Variants in OTUD7B observed in about 807,000 individuals in gnomAD.
OTUD7B encodes the protein OTU deubiquitinase 7B.
A neutral mutation model predicts 82.2 loss-of-function variants in OTUD7B; 34 were observed. That is an observed-to-expected ratio of 0.41 (90% CI 0.31 to 0.55). OTUD7B has a LOEUF of 0.55. Ranked by LOEUF, OTUD7B falls within the 20% of genes least tolerant of loss-of-function variation. The pLI is 0.20. For missense variants in OTUD7B, 944 were observed against 1,062.1 expected (o/e 0.89, Z 1.55); for synonymous variants, 398 against 402.7 (o/e 0.99, Z 0.14).
intron 1 of OTUD7B, among the ~76,000 whole-genome samples, chr1:150,003,445 C>A (rs782358419): frequency 1.3e-5 from 2 of 152,110 alleles, no homozygotes; most frequent in African/African-American, 4.8e-5. Context: ...TAGAGTATAT[C>A]CTTAATTCAT....
chr1:150,013,375 G>A (rs998303559), upstream of OTUD7B, among the ~76,000 whole-genome samples: 5 of 152,168 alleles, frequency 3.3e-5, no homozygotes, highest in Non-Finnish European at 7.3e-5. Flanking sequence ...TGGGGCTAAT[G>A]GCTAGAGTTG....
intron 1 of OTUD7B, among the ~76,000 whole-genome samples, chr1:150,008,431 C>G (rs1553786622): frequency 1.3e-5 from 2 of 152,240 alleles, no homozygotes; most frequent in East Asian, 3.9e-4. Flanking sequence ...ACAAATAAAG[C>G]TTTGGGAAAT....
intron 7 of OTUD7B, among the ~76,000 whole-genome samples, chr1:149,957,029 T>G (rs1485758374): frequency 6.6e-6 from 1 of 152,232 alleles, no homozygotes; most frequent in African/African-American, 2.4e-5. Flanking sequence ...TGAAGCCTTC[T>G]TCTCTCAACT....
At chr1:150,014,162 G>T (rs1653201826), upstream of OTUD7B, among the ~76,000 whole-genome samples, 1 of 141,558 alleles carries the variant, frequency 7.1e-6, no homozygotes, top group South Asian at 2.3e-4. Context: ...ACTTTGGGAG[G>T]CCAAGGCAGG....
chr1:150,059,948 CA>C, the OTUD7B span, among the ~76,000 whole-genome samples: 4 of 151,246 alleles, frequency 2.6e-5, no homozygotes, highest in African/African-American at 2.4e-5. Flanking sequence ...TGCAAACAAA[CA>C]AAAAAAACCA....
At chr1:150,021,635 T>A in the OTUD7B span, among the ~76,000 whole-genome samples, 1 of 152,120 alleles carries the variant, frequency 6.6e-6, no homozygotes, top group African/African-American at 2.4e-5. Flanking sequence ...CTGAACTAAG[T>A]CCGCATTGGA....
chr1:150,024,199 C>CTGTGATT, the OTUD7B span, among the ~76,000 whole-genome samples: 1 of 152,144 alleles, frequency 6.6e-6, no homozygotes, highest in African/African-American at 2.4e-5. Flanking sequence ...TTCTAAGAGC[C>CTGTGATT]TGTGATTTGT....
At chr1:150,058,822 G>A in the OTUD7B span, among the ~76,000 whole-genome samples, 2 of 152,034 alleles carry the variant, frequency 1.3e-5, no homozygotes, top group African/African-American at 4.8e-5. Flanking sequence ...GAAGAGAAAA[G>A]CACAATAAAA....
intron 1 of OTUD7B, among the ~76,000 whole-genome samples, chr1:149,987,291 G>A (rs1311228735): frequency 3.3e-5 from 5 of 152,110 alleles, no homozygotes; most frequent in East Asian, 1.9e-4. Context: ...AAGAAAACAC[G>A]GGCAGTCCAC....
intron 3 of OTUD7B, among the ~76,000 whole-genome samples, chr1:149,970,695 A>C (rs964499972): frequency 2.5e-4 from 38 of 152,214 alleles, no homozygotes; most frequent in African/African-American, 8.9e-4. Context: ...TTGCTAAGTC[A>C]GAGTACATAT....
intron 1 of OTUD7B, among the ~76,000 whole-genome samples, chr1:149,997,156 T>C (rs587763444): frequency 5.5e-4 from 84 of 152,220 alleles, no homozygotes; most frequent in African/African-American, 1.5e-3. Flanking sequence ...ATTCAGAAAA[T>C]TGTATTTTCA....
At chr1:150,038,482 G>A in the OTUD7B span, among the ~76,000 whole-genome samples, 12 of 151,936 alleles carry the variant, frequency 7.9e-5, no homozygotes, top group Non-Finnish European at 1.8e-4. Flanking sequence ...CACCTCCTGG[G>A]TTCAAGTAAT....
intron 1 of OTUD7B, among the ~76,000 whole-genome samples, chr1:149,994,136 T>C (rs1387997906): frequency 3.9e-5 from 6 of 152,204 alleles, no homozygotes; most frequent in African/African-American, 1.4e-4. Context: ...ATCCCATTAT[T>C]ATTTTTAACA....
rs1288980799 is a variant in OTUD7B, at chr1:149,938,054, C to G, written c.*5803G>C. ...CCTGCTAAGAAGGTGGCCCAGAAGC[C>G]TGATTCTAGAAGTCCTAAAGGCTAC... On this transcript the variant is annotated 3_prime_UTR_variant, in exon 12 of 12. Transcript: ENST00000581312. 1 of 152,312 alleles carries G rather than the reference C, an allele frequency of 6.6e-6. No homozygotes were observed. The highest frequency in any genetic ancestry group is 1.5e-5 in the Non-Finnish European group (1 of 68,074). The allele number at this position is 152,312 out of a possible 1,614,324, so 9.4% of individuals were successfully genotyped here.
rs782375384 is a variant in OTUD7B at position 149,964,292 on chromosome 1, A to G, written c.662T>C (p.Met221Thr). 3.7e-6 allele frequency: 6 copies of G among 1,613,892 alleles called. No individual in the cohort carries two copies. In the East Asian group the frequency reaches 6.7e-5, roughly 18 times the overall value. ...CGCTTCCTTCTCAACTCCCTTCTCC[A>G]TCAGTGCATACAAAGCTTTCCGCAG... The part of the protein sequence containing the change: ...LMLRKALYAL[M>T]EKGVEKEALK... The change falls in exon 6 of 12, where the codon ATG becomes ACG. Residue 221 changes from methionine to threonine, a missense_variant. Met to Thr is a moderately conservative substitution (Grantham distance 81, BLOSUM62 -1). Coordinates refer to ENST00000581312, the MANE Select transcript of OTUD7B (RefSeq NM_020205.4).
intron 1 of OTUD7B, among the ~76,000 whole-genome samples, chr1:149,996,134 A>C (rs782563195): frequency 2.0e-4 from 30 of 152,230 alleles, no homozygotes; most frequent in Non-Finnish European, 3.8e-4. Context: ...AGAACCTGCA[A>C]GCAGGCACGA....
At position 149,944,672 on chromosome 1, in the gene OTUD7B, A is replaced by G; in HGVS notation, c.1717T>C (p.Ser573Pro). 6.2e-7 allele frequency: 1 copy of G among 1,613,750 alleles called. No individual in the cohort carries two copies. The change falls in exon 12 of 12, where the codon TCT (serine) becomes CCT (proline). Residue 573 changes from serine (S) to proline (P), a missense_variant. By Grantham distance (74) the Ser-to-Pro change is moderately conservative (BLOSUM62 -1). Around this residue, in one of 3 missense-constraint regions of OTUD7B, gnomAD observed 412 missense variants for 418.7 expected, o/e 0.98. Coordinates refer to ENST00000581312, the MANE Select transcript of OTUD7B (RefSeq NM_020205.4). ...KEEAAGDGPVSEKPPAESVGN... is the reference protein window; with the variant it reads ...KEEAAGDGPVPEKPPAESVGN... ...ACAGACTCAGCTGGGGGCTTCTCAGACACAGGCCCATCCCCAGCTGCCTCC... is the reference window on the plus strand; with the variant it reads ...ACAGACTCAGCTGGGGGCTTCTCAGGCACAGGCCCATCCCCAGCTGCCTCC...
At chr1:150,067,419 A>T in the OTUD7B span, 1 of 163,514 alleles carries the variant, frequency 6.1e-6, no homozygotes, top group African/African-American at 2.4e-5. Flanking sequence ...ACTGCCATGC[A>T]AGAAAGCGTT....
chr1:149,967,251 G>A (rs1571644985), intron 4 of OTUD7B, 43 bp downstream of exon 4: 1 of 1,398,766 alleles, frequency 7.1e-7, no homozygotes, highest in Non-Finnish European at 1.0e-6. Context: ...GCCTGTAGGT[G>A]GAGAGTAGAG....
Sources: allele counts gnomAD v4.1 joint callset (sites outside exome capture counted in the v4.1 genomes callset), GRCh38; gene constraint gnomAD v4.1.1; regional missense constraint gnomAD v4.1.1; transcripts MANE v1.5; gene names NCBI Gene and HGNC (gene_info 2026-07-23, HGNC 2026-07-21).